CEP72: variants seen among roughly 807,000 people sequenced by gnomAD.
CEP72 encodes the protein centrosomal protein of 72 kDa.
A neutral mutation model predicts 65.7 loss-of-function variants in CEP72; 78 were observed. That is an observed-to-expected ratio of 1.19 (90% CI 0.99 to 1.43). CEP72 has a LOEUF of 1.43. CEP72 is among the 40% of genes most tolerant of loss of function. The probability of loss-of-function intolerance (pLI) is 0.00; values close to 1 mark genes in which losing one functional copy is unlikely to be tolerated. For synonymous variants in CEP72, 358 were observed against 351.7 expected (o/e 1.02, Z -0.20); for missense variants, 914 against 832.9 (o/e 1.10, Z -1.20).
At position 653,217 on chromosome 5, in the gene CEP72, GTA is replaced by G; in HGVS notation, c.*65_*66del. 2.1e-6 allele frequency: 3 copies of G among 1,443,538 alleles called. No homozygotes were observed. The allele number at this position is 1,443,538 out of a possible 1,614,324, so 89.4% of individuals were successfully genotyped here. A position where few individuals can be genotyped will look rare whatever the true frequency, so the allele number is the denominator to read the frequency against. On this transcript the variant is annotated 3_prime_UTR_variant, in exon 12 of 12. Coordinates refer to ENST00000264935, the MANE Select transcript of CEP72 (RefSeq NM_018140.4). ...GTAAAGTTACATTGTCTGCACCTTT[GTA>G]CTTCTTTATTGAGTGTACTGGCTGG...
intron 4 of CEP72, among the ~76,000 whole-genome samples, chr5:626,528 C>T (rs1033440238): frequency 6.6e-6 from 1 of 152,312 alleles, no homozygotes; most frequent in Admixed American, 6.5e-5. Context: ...GATTTTCAAA[C>T]ATTGAACTGG....
intron 3 of CEP72, 86 bp downstream of exon 3, chr5:620,347 A>G (rs1736308182): frequency 1.7e-6 from 2 of 1,153,540 alleles, no homozygotes; most frequent in Middle Eastern, 2.6e-4. Context: ...TGTGTGCTCA[A>G]CGTCACATGC....
At chr5:626,998 T>A (rs1428864813) in intron 4 of CEP72, among the ~76,000 whole-genome samples, 1 of 152,246 alleles carries the variant, frequency 6.6e-6, no homozygotes, top group Non-Finnish European at 1.5e-5. Flanking sequence ...TGCCTTTGTC[T>A]GGTTTTGGTT....
At position 620,158 on chromosome 5, in the gene CEP72, A is replaced by T; in HGVS notation, c.300A>T (p.Leu100Phe). Residue 100 changes from leucine (L) to phenylalanine (F), a missense_variant, in exon 3 of 12, where the codon TTA becomes TTT. Physicochemically the swap from Leu to Phe is conservative, Grantham distance 22 (BLOSUM62 0). Coordinates refer to ENST00000264935, the MANE Select transcript of CEP72 (RefSeq NM_018140.4). ...SLAEVFRLHA[L>F]TELVDVDFRL... ...CAGAAGTGTTTCGGCTCCACGCCTTAACCGAGCTCGTGGATGTGGACTTCC... is the reference window on the plus strand; with the variant it reads ...CAGAAGTGTTTCGGCTCCACGCCTTTACCGAGCTCGTGGATGTGGACTTCC... The T allele has an allele frequency of 1.2e-6, 2 of 1,614,120 alleles. No individual in the cohort carries two copies. The highest frequency in any genetic ancestry group is 8.5e-7 in the Non-Finnish European group (1 of 1,179,984).
At chr5:617,230 G>A (rs1266064736) in intron 1 of CEP72, among the ~76,000 whole-genome samples, 1 of 152,166 alleles carries the variant, frequency 6.6e-6, no homozygotes, top group Non-Finnish European at 1.5e-5. Context: ...GCCCCTGGCT[G>A]GTTGGCTTCT....
chr5:644,327 C>A lies in CEP72; in HGVS notation c.1568C>A (p.Ser523Tyr), dbSNP rs750132769. 4 of 1,613,834 alleles carry A rather than the reference C, an allele frequency of 2.5e-6. No homozygotes were observed. In the Admixed American group the frequency reaches 5.0e-5, roughly 20 times the overall value. The change falls in exon 10 of 12, where the codon TCT becomes TAT. Residue 523 changes from serine to tyrosine, a missense_variant. By Grantham distance (144) the Ser-to-Tyr change is moderately radical. Transcript: ENST00000264935. ...GATTTGAGACAACATTTAGATAAAT[C>A]TTTGGAAGAGAACAGTAGGTTAAAA... ...LDDLRQHLDK[S>Y]LEENSRLKSL...
At chr5:618,878 A>T in intron 1 of CEP72, 112 bp from the exon 2 acceptor site, 3 of 847,596 alleles carry the variant, frequency 3.5e-6, no homozygotes, top group Non-Finnish European at 5.4e-6. Flanking sequence ...AAGTTGAATT[A>T]AACCAAGAAT....
chr5:633,000 G>A (rs1480543502), intron 4 of CEP72, among the ~76,000 whole-genome samples: 1 of 75,944 alleles, frequency 1.3e-5, no homozygotes. Flanking sequence ...GTCCAGTGCC[G>A]GGATTTGGCC....
rs953228337 is a variant in CEP72 at position 640,469 on chromosome 5, G to A, written c.1404G>A (p.Ala468=). 34 of 1,614,136 alleles carry A rather than the reference G, an allele frequency of 2.1e-5. No individual in the cohort carries two copies. The highest frequency in any genetic ancestry group is 1.3e-4 in the African/African-American group (10 of 74,944). Residue 468 remains alanine (A), a synonymous_variant, in exon 9 of 12, where the codon GCG becomes GCA. Transcript: ENST00000264935. ...EEFTAAQDSS[A]MVGEDVGSLA... ...TCACAGCAGCTCAGGACAGCTCTGCGATGGTGGGTGAAGATGTCGGCTCCC... is the reference window on the plus strand; with the variant it reads ...TCACAGCAGCTCAGGACAGCTCTGCAATGGTGGGTGAAGATGTCGGCTCCC...
chr5:625,207 G>T (rs182174371), intron 4 of CEP72, among the ~76,000 whole-genome samples: 1 of 152,202 alleles, frequency 6.6e-6, no homozygotes, highest in Non-Finnish European at 1.5e-5. Flanking sequence ...GAGAGACTTC[G>T]TGCTTTGTTT....
Position 635,513 on chromosome 5 carries a change from C to T in CEP72, c.833C>T (p.Pro278Leu), listed in dbSNP as rs369984910. The T allele has an allele frequency of 3.7e-5, 60 of 1,613,918 alleles. No homozygotes were observed. Among genetic ancestry groups the T allele is most frequent in the African/African-American group, 1.5e-4 (11 of 74,900 alleles). ...MPWSQLCGEL[P>L]PLYGAEPEAS... ...TGGAGCCAGCTCTGTGGAGAGCTTC[C>T]GCCACTGTACGGAGCGGAGCCAGAG... The change falls in exon 6 of 12, where the codon CCG (proline) becomes CTG (leucine). Residue 278 changes from proline to leucine, a missense_variant. Physicochemically the swap from Pro to Leu is moderately conservative, Grantham distance 98. Coordinates refer to ENST00000264935, the MANE Select transcript of CEP72 (RefSeq NM_018140.4).
At chr5:670,216 G>C (rs972874497), downstream of CEP72, among the ~76,000 whole-genome samples, 1 of 152,184 alleles carries the variant, frequency 6.6e-6, no homozygotes, top group Non-Finnish European at 1.5e-5. Context: ...CACAGGCCCC[G>C]CTGGGCTCGG....
At chr5:646,703 C>T (rs1159560810) in intron 10 of CEP72, among the ~76,000 whole-genome samples, 1 of 152,254 alleles carries the variant, frequency 6.6e-6, no homozygotes, top group Admixed American at 6.5e-5. Context: ...GCCTCACCCT[C>T]ATGGGAGGGG....
Position 633,919 on chromosome 5 carries a change from G to GCGTGAGGC in CEP72, c.666_673dup (p.Asp225ValfsTer15). On this transcript the variant is annotated frameshift_variant, in exon 5 of 12. Transcript: ENST00000264935. LOFTEE classifies it high-confidence loss of function. ...GGAGCACGAGCTTCAGCCAGAAGGG[G>GCGTGAGGC]CGTGAGGCCGACTCTCGTGGTTCCC... 1 of 1,612,704 alleles carries GCGTGAGGC rather than the reference G, an allele frequency of 6.2e-7. No individual in the cohort carries two copies. Among genetic ancestry groups the GCGTGAGGC allele is most frequent in the Non-Finnish European group, 8.5e-7 (1 of 1,180,026 alleles).
At chr5:649,788 C>CTG (rs1215172002) in intron 11 of CEP72, among the ~76,000 whole-genome samples, 13 of 21,284 alleles carry the variant, frequency 6.1e-4, no homozygotes, top group Non-Finnish European at 7.1e-4. Flanking sequence ...TGAGGTGTGA[C>CTG]TGAGGTGTGA....
Position 640,588 on chromosome 5 carries a change from A to G in CEP72, c.1523A>G (p.His508Arg). ...AGCGAGGTGACGGCGGAGCTGCACC[A>G]CACACACAAGGAGCTGGTGAGCCCG... ...EMSEVTAELH[H>R]THKELDDLRQ... The change falls in exon 9 of 12, where the codon CAC becomes CGC. Residue 508 changes from histidine (H) to arginine (R), a missense_variant. Physicochemically the swap from His to Arg is conservative, Grantham distance 29. Transcript: ENST00000264935. 6.2e-7 allele frequency: 1 copy of G among 1,612,742 alleles called. No homozygotes were observed. The highest frequency in any genetic ancestry group is 8.5e-7 in the Non-Finnish European group (1 of 1,179,814).
At chr5:614,095 T>C (rs1735845930) in intron 1 of CEP72, among the ~76,000 whole-genome samples, 1 of 152,238 alleles carries the variant, frequency 6.6e-6, no homozygotes. Flanking sequence ...TTCTTTCTTT[T>C]TTAGTCTTGC....
At chr5:665,493 A>G (rs758454336) in intron 3 of CEP72, among the ~76,000 whole-genome samples, 1 of 152,018 alleles carries the variant, frequency 6.6e-6, no homozygotes, top group Non-Finnish European at 1.5e-5. Flanking sequence ...GCGGGGTGCC[A>G]CAACCCTAAC....
chr5:618,477 T>G (rs1302005267), intron 1 of CEP72, among the ~76,000 whole-genome samples: 2 of 152,216 alleles, frequency 1.3e-5, no homozygotes, highest in Non-Finnish European at 2.9e-5. Context: ...AGAAATGTTT[T>G]GAATGACCCT....
Sources: gnomAD v4.1 joint callset for allele counts (sites outside exome capture counted in the v4.1 genomes callset) on GRCh38, gnomAD v4.1.1 for gene constraint, MANE v1.5 for transcripts, NCBI Gene and HGNC (gene_info 2026-07-23, HGNC 2026-07-21) for gene names.